The following ARL8B variants were observed in gnomAD, a reference collection of about 807,000 sequenced individuals.
ARL8B encodes the protein ARF like GTPase 8B, also known as ADP-ribosylation factor-like protein 8B.
A neutral mutation model predicts 30.6 loss-of-function variants in ARL8B; 9 were observed. The observed-to-expected ratio is 0.29, with a 90% CI of 0.18 to 0.51. The LOEUF (loss-of-function observed/expected upper bound fraction) is 0.51. ARL8B is among the 20% of genes least tolerant of loss of function. The probability of loss-of-function intolerance (pLI) is 0.97; values close to 1 mark genes in which losing one functional copy is unlikely to be tolerated. For missense variants in ARL8B, 130 were observed against 227.2 expected (o/e 0.57, Z 2.75); for synonymous variants, 74 against 76.0 (o/e 0.97, Z 0.14).
rs1318426844 is a variant in ARL8B at position 5,170,499 on chromosome 3, T to A, written c.124-4T>A. 2 of 1,605,384 alleles carry A rather than the reference T, an allele frequency of 1.2e-6. No homozygotes were observed. The highest frequency in any genetic ancestry group is 1.3e-5 in the African/African-American group (1 of 74,606). On this transcript the variant is annotated splice_region_variant and splice_polypyrimidine_tract_variant and intron_variant, in intron 1 of 6. Transcript: ENST00000256496. ...CCTAACTTCAAATGTTTTATTTTGT[T>A]CAGTCAGGTCAATTCAGTGAAGATA...
chr3:5,153,698 A>G (rs1415943002), intron 1 of ARL8B, among the ~76,000 whole-genome samples: 1 of 152,112 alleles, frequency 6.6e-6, no homozygotes, highest in Non-Finnish European at 1.5e-5. Context: ...AGTTTATTAT[A>G]TTTACCCAGG....
chr3:5,161,107 A>T (rs1417620480), intron 1 of ARL8B, among the ~76,000 whole-genome samples: 1 of 152,140 alleles, frequency 6.6e-6, no homozygotes, highest in African/African-American at 2.4e-5. Context: ...TTTTGTAGAG[A>T]TGGGGTCTTG....
intron 1 of ARL8B, among the ~76,000 whole-genome samples, chr3:5,142,909 G>T (rs1452149490): frequency 2.0e-5 from 3 of 152,168 alleles, no homozygotes; most frequent in Non-Finnish European, 4.4e-5. Flanking sequence ...CAGTTATTTG[G>T]CAAGGAGCCC....
At chr3:5,174,111 A>G in intron 5 of ARL8B, 27 bp downstream of exon 5, 1 of 1,567,636 alleles carries the variant, frequency 6.4e-7, no homozygotes, top group Non-Finnish European at 8.8e-7. Flanking sequence ...CTATTTTAAT[A>G]ATTTGCTTCT....
At chr3:5,142,923 G>C (rs1292308386) in intron 1 of ARL8B, among the ~76,000 whole-genome samples, 2 of 152,142 alleles carry the variant, frequency 1.3e-5, no homozygotes, top group African/African-American at 4.8e-5. Flanking sequence ...GGAGCCCTTG[G>C]ACAGATGTAG....
intron 1 of ARL8B, 68 bp from the exon 2 acceptor site, chr3:5,170,435 G>T: frequency 2.0e-6 from 2 of 1,014,212 alleles, no homozygotes; most frequent in Non-Finnish European, 2.9e-6. Context: ...ATGCAATGTT[G>T]ATATTAGAAG....
chr3:5,154,866 A>G (rs2054518422), intron 1 of ARL8B, among the ~76,000 whole-genome samples: 1 of 150,726 alleles, frequency 6.6e-6, no homozygotes, highest in Admixed American at 6.6e-5. Context: ...GCATGCCACC[A>G]TGCCCGGTGG....
intron 1 of ARL8B, among the ~76,000 whole-genome samples, chr3:5,150,350 C>A (rs1346655357): frequency 2.0e-5 from 3 of 151,796 alleles, no homozygotes; most frequent in Non-Finnish European, 1.5e-5. Context: ...GTAATCCCAG[C>A]TACTCAGGAG....
At chr3:5,161,368 C>T (rs1383715321) in intron 1 of ARL8B, among the ~76,000 whole-genome samples, 1 of 152,140 alleles carries the variant, frequency 6.6e-6, no homozygotes. Flanking sequence ...AAGGTGTGGT[C>T]CTCAGTCTGA....
chr3:5,174,711 ATG>A (rs1559287325), intron 6 of ARL8B, among the ~76,000 whole-genome samples: 2 of 144,546 alleles, frequency 1.4e-5, no homozygotes, highest in African/African-American at 5.1e-5. Flanking sequence ...TATATGTAAT[ATG>A]TATTATATAT....
At chr3:5,130,605 T>C (rs1449041424) in intron 1 of ARL8B, among the ~76,000 whole-genome samples, 1 of 151,638 alleles carries the variant, frequency 6.6e-6, no homozygotes, top group Non-Finnish European at 1.5e-5. Context: ...ATGATCTCGG[T>C]TGACTGTAAC....
chr3:5,174,585 C>T (rs987016783), intron 6 of ARL8B, among the ~76,000 whole-genome samples, 171 bp downstream of exon 6: 10 of 150,356 alleles, frequency 6.7e-5, no homozygotes, highest in Non-Finnish European at 1.0e-4. Context: ...ATATAGTGAA[C>T]CTTCACTTAA....
At chr3:5,169,117 C>G (rs1382525372) in intron 1 of ARL8B, among the ~76,000 whole-genome samples, 2 of 152,074 alleles carry the variant, frequency 1.3e-5, no homozygotes, top group Non-Finnish European at 2.9e-5. Flanking sequence ...AAAGTATCAT[C>G]TTAGTCATTT....
intron 1 of ARL8B, 129 bp downstream of exon 1, chr3:5,122,717 C>T: frequency 9.5e-7 from 1 of 1,053,648 alleles, no homozygotes; most frequent in South Asian, 1.7e-5. Context: ...CGAAGCTGGG[C>T]CTGTCATCTC....
chr3:5,161,413 A>G (rs188338799), intron 1 of ARL8B, among the ~76,000 whole-genome samples: 1 of 152,198 alleles, frequency 6.6e-6, no homozygotes, highest in Non-Finnish European at 1.5e-5. Flanking sequence ...TCAGAGAGGC[A>G]ATGTTTGAGT....
Position 5,162,766 on chromosome 3 carries a change from CTT to C in ARL8B, c.124-7734_124-7733del, listed in dbSNP as rs1467790274. On this transcript the variant is annotated intron_variant, in intron 1 of 6. Transcript: ENST00000256496. ...ATAAGACTTAACTGCCCAAATGAATCTTTTATTTTTACTATGGATTCAGTGGA... is the reference window on the plus strand; with the variant it reads ...ATAAGACTTAACTGCCCAAATGAATCTTATTTTTACTATGGATTCAGTGGA... Among the ~76,000 whole-genome samples the C allele has an allele frequency of 3.3e-5, 5 of 152,068 alleles. No individual in the cohort carries two copies. The South Asian group carries it at 8.3e-4, about 25-fold the overall frequency.
chr3:5,135,376 G>T (rs1427756443), intron 1 of ARL8B, among the ~76,000 whole-genome samples: 1 of 151,354 alleles, frequency 6.6e-6, no homozygotes, highest in East Asian at 1.9e-4. Context: ...TGCCTTCTGG[G>T]TTCAAATAAT....
chr3:5,122,817 A>C (rs963069842), intron 1 of ARL8B, among the ~76,000 whole-genome samples: 1 of 152,146 alleles, frequency 6.6e-6, no homozygotes, highest in Non-Finnish European at 1.5e-5. Flanking sequence ...CAGTGTAGAC[A>C]TTTTCCAAGG....
intron 4 of ARL8B, among the ~76,000 whole-genome samples, chr3:5,173,541 C>A (rs1419902343): frequency 6.6e-6 from 1 of 152,044 alleles, no homozygotes; most frequent in Non-Finnish European, 1.5e-5. Context: ...TCGAGACCAT[C>A]CTGGCTAACG....
Sources: allele counts gnomAD v4.1 joint callset (sites outside exome capture counted in the v4.1 genomes callset), GRCh38; gene constraint gnomAD v4.1.1; transcripts MANE v1.5; gene names NCBI Gene and HGNC (gene_info 2026-07-23, HGNC 2026-07-21).